The following FRMD4B variants were observed in gnomAD, a reference collection of about 807,000 sequenced individuals.
The protein encoded by FRMD4B is FERM domain-containing protein 4B.
FRMD4B carries 74 observed loss-of-function variants against 141.5 expected under a neutral mutation model. The observed-to-expected ratio is 0.52, with a 90% confidence interval of 0.43 to 0.63. The LOEUF (loss-of-function observed/expected upper bound fraction) is 0.63. Ranked by LOEUF, FRMD4B falls within the 30% of genes least tolerant of loss-of-function variation. The pLI, the probability that FRMD4B is intolerant of heterozygous loss-of-function variation, is 0.00. For missense variants in FRMD4B, 1,366 were observed against 1,253.4 expected, an observed-to-expected ratio of 1.09 and a Z score of -1.36; for synonymous variants, 506 against 467.9, an observed-to-expected ratio of 1.08 and a Z score of -1.05.
chr3:69,251,035 C>T (rs1289423649), intron 5 of FRMD4B, among the ~76,000 whole-genome samples: 2 of 151,856 alleles, frequency 1.3e-5, no homozygotes, highest in Non-Finnish European at 2.9e-5. Flanking sequence ...TTTTAAATTG[C>T]GATGATACAT....
chr3:69,377,082 T>C (rs1438912044), intron 1 of FRMD4B: 1 of 152,158 alleles, frequency 6.6e-6, no homozygotes, highest in Non-Finnish European at 1.5e-5. Context: ...TGAGTTTAGG[T>C]GACATGTTTC....
chr3:69,223,258 G>A (rs1474412944), intron 8 of FRMD4B, among the ~76,000 whole-genome samples: 1 of 152,162 alleles, frequency 6.6e-6, no homozygotes, highest in Non-Finnish European at 1.5e-5. Context: ...GCTCACGTCT[G>A]TAATCTCAGC....
chr3:69,224,949 G>A (rs574946723), intron 7 of FRMD4B, among the ~76,000 whole-genome samples: 2 of 152,140 alleles, frequency 1.3e-5, no homozygotes, highest in African/African-American at 4.8e-5. Flanking sequence ...TTTTCACATT[G>A]TATTTTTACA....
At chr3:69,447,745 G>A (rs941494967) in intron 1 of FRMD4B, among the ~76,000 whole-genome samples, 2 of 152,088 alleles carry the variant, frequency 1.3e-5, no homozygotes, top group Non-Finnish European at 2.9e-5. Context: ...TCTGCTCTCT[G>A]ACATTACGTA....
At chr3:69,261,686 T>C (rs113317907) in intron 5 of FRMD4B, among the ~76,000 whole-genome samples, 5,323 of 152,284 alleles carry the variant, frequency 0.035, 153 homozygotes, top group East Asian at 0.1. Flanking sequence ...TTTATTTATT[T>C]ATTTGAGATG....
chr3:69,312,714 C>T (rs1418100927), intron 2 of FRMD4B, among the ~76,000 whole-genome samples: 3 of 152,148 alleles, frequency 2.0e-5, no homozygotes, highest in Non-Finnish European at 4.4e-5. Flanking sequence ...GCCTGGCCAA[C>T]ATGGTGAAAC....
intron 7 of FRMD4B, among the ~76,000 whole-genome samples, chr3:69,232,456 G>A (rs549321978): frequency 3.7e-4 from 57 of 152,276 alleles, no homozygotes; most frequent in Middle Eastern, 3.4e-3. Context: ...AGCTGCCCAT[G>A]ACCCACTATT....
At chr3:69,490,155 T>C (rs936907961) in intron 1 of FRMD4B, among the ~76,000 whole-genome samples, 7 of 152,204 alleles carry the variant, frequency 4.6e-5, no homozygotes, top group African/African-American at 1.7e-4. Flanking sequence ...ATGGTGCTGG[T>C]TGCCCTAATA....
intron 1 of FRMD4B, among the ~76,000 whole-genome samples, chr3:69,345,396 C>T (rs1218526892): frequency 1.3e-5 from 2 of 152,224 alleles, no homozygotes; most frequent in African/African-American, 2.4e-5. Context: ...CCTCTGTAGA[C>T]TCCATCTCTG....
chr3:69,377,716 ACT>A (rs1704010229), intron 1 of FRMD4B, among the ~76,000 whole-genome samples: 2 of 151,740 alleles, frequency 1.3e-5, no homozygotes, highest in Admixed American at 1.3e-4. Flanking sequence ...ACCTGGGACA[ACT>A]CTCAGCTTCA....
At chr3:69,502,480 T>G (rs1172255132) in intron 1 of FRMD4B, among the ~76,000 whole-genome samples, 2 of 152,218 alleles carry the variant, frequency 1.3e-5, no homozygotes, top group Admixed American at 6.5e-5. Flanking sequence ...GCTAGCCATA[T>G]GTAGAAAGCT....
At chr3:69,215,282 C>CTTTTTTTT (rs1559724064) in intron 11 of FRMD4B, among the ~76,000 whole-genome samples, 1 of 37,496 alleles carries the variant, frequency 2.7e-5, no homozygotes, top group East Asian at 4.2e-4. Context: ...GATTGTGACC[C>CTTTTTTTT]TCTTTTTTTT....
chr3:69,337,295 A>C (rs1056902617), intron 1 of FRMD4B, among the ~76,000 whole-genome samples: 2 of 152,328 alleles, frequency 1.3e-5, no homozygotes, highest in East Asian at 3.9e-4. Flanking sequence ...CAACTTATAC[A>C]AAAATTAATT....
At chr3:69,504,734 A>G (rs1706567116) in intron 1 of FRMD4B, among the ~76,000 whole-genome samples, 1 of 152,224 alleles carries the variant, frequency 6.6e-6, no homozygotes, top group African/African-American at 2.4e-5. Context: ...GTTGTTTCCA[A>G]GATGAATAAT....
chr3:69,424,548 CAAAG>C (rs1223996752), intron 2 of FRMD4B, among the ~76,000 whole-genome samples: 1 of 151,988 alleles, frequency 6.6e-6, no homozygotes, highest in African/African-American at 2.4e-5. Context: ...AATCCACAGA[CAAAG>C]AGGGATGGGA....
At chr3:69,254,585 T>G (rs1428940665) in intron 5 of FRMD4B, among the ~76,000 whole-genome samples, 1 of 152,146 alleles carries the variant, frequency 6.6e-6, no homozygotes, top group South Asian at 2.1e-4. Context: ...AATAATGGGA[T>G]AGATCAGCTT....
chr3:69,403,813 T>TC (rs1318307404), intron 2 of FRMD4B, among the ~76,000 whole-genome samples: 12 of 151,862 alleles, frequency 7.9e-5, no homozygotes. Context: ...CGTACCCCAC[T>TC]CCCCCCACCT....
chr3:69,460,876 T>C (rs1329232725), intron 1 of FRMD4B, among the ~76,000 whole-genome samples: 2 of 152,236 alleles, frequency 1.3e-5, no homozygotes, highest in African/African-American at 4.8e-5. Flanking sequence ...CCAGATTACG[T>C]GATCTGTAAG....
chr3:69,450,448 C>T (rs1279817446), intron 1 of FRMD4B, among the ~76,000 whole-genome samples: 4 of 151,822 alleles, frequency 2.6e-5, no homozygotes, highest in Non-Finnish European at 4.4e-5. Flanking sequence ...GAGTGAGACG[C>T]TGTCTCAAAA....
Sources: allele counts gnomAD v4.1 joint callset (sites outside exome capture counted in the v4.1 genomes callset), GRCh38; gene constraint gnomAD v4.1.1; transcripts MANE v1.5; gene names NCBI Gene and HGNC (gene_info 2026-07-23, HGNC 2026-07-21).